The following CSNK1E variants were observed in gnomAD, a reference collection of about 807,000 sequenced individuals.
CSNK1E encodes casein kinase I isoform epsilon.
Under a neutral mutation model 46.1 loss-of-function variants are expected in CSNK1E, and 17 were observed. The ratio of observed to expected loss-of-function variants is 0.37; its 90% CI spans 0.25 to 0.55. The LOEUF (loss-of-function observed/expected upper bound fraction) is 0.55. Ranked by LOEUF, CSNK1E falls within the 20% of genes least tolerant of loss-of-function variation. CSNK1E has a pLI of 0.82. For synonymous variants in CSNK1E, 241 were observed against 242.6 expected (o/e 0.99, Z 0.06); for missense variants, 386 against 595.4 (o/e 0.65, Z 3.66).
chr22:38,298,527 G>A lies in CSNK1E; in HGVS notation c.885+259C>T. 2.1e-6 allele frequency: 1 copy of A among 483,666 alleles called. No homozygotes were observed. Among genetic ancestry groups the A allele is most frequent in the Non-Finnish European group, 3.8e-6 (1 of 265,034 alleles). The allele number at this position is 483,666 out of a possible 1,614,324, so 30.0% of individuals were successfully genotyped here. On this transcript the variant is annotated intron_variant, in intron 7 of 10. Transcript: ENST00000396832. The surrounding 1 kb of genome is among the most constrained non-coding windows in gnomAD (Gnocchi z 4.2). ...CATGCCCTGCTGCGGGCACCCAGGAGGGACCCCAGGTGAAGCCAGATCCTC... is the reference window on the plus strand; with the variant it reads ...CATGCCCTGCTGCGGGCACCCAGGAAGGACCCCAGGTGAAGCCAGATCCTC...
At position 38,314,988 on chromosome 22, in the gene CSNK1E, G is replaced by T. The variant is rs187562339; in HGVS notation, c.-12-819C>A. ...CTGAAGGCCTGGAGGCAGTGCTGCCGTGGGGACAGGGACCAGGGACTGCAG... is the reference window on the plus strand; with the variant it reads ...CTGAAGGCCTGGAGGCAGTGCTGCCTTGGGGACAGGGACCAGGGACTGCAG... On this transcript the variant is annotated intron_variant, in intron 1 of 10. Transcript: ENST00000396832. 8.1e-4 allele frequency among the ~76,000 whole-genome samples: 123 copies of T among 152,314 alleles called. 1 individual carries two copies. Among genetic ancestry groups the T allele is most frequent in the African/African-American group, 2.8e-3 (117 of 41,564 alleles).
rs186918102 is a variant in CSNK1E at position 38,302,851 on chromosome 22, G to C, written c.336+10C>G. 3 of 1,613,808 alleles carry C rather than the reference G, an allele frequency of 1.9e-6. No homozygotes were observed. Among genetic ancestry groups the C allele is most frequent in the Non-Finnish European group, 2.5e-6 (3 of 1,179,880 alleles). On this transcript the variant is annotated intron_variant, in intron 4 of 10. Transcript: ENST00000396832. The stretch of plus-strand genomic sequence containing the variant: ...GCATCTGGCTGGGGATGGAGGGGAC[G>C]GGGACTCACCATCTGGTCGGCCAAG...
At position 38,317,404 on chromosome 22, in the gene CSNK1E, C is replaced by CCCGG. The variant is rs2092754072; in HGVS notation, c.-258_-257insCCGG. 7.6e-6 allele frequency: 1 copy of CCCGG among 130,992 alleles called. No homozygotes were observed. Among genetic ancestry groups the CCCGG allele is most frequent in the Admixed American group, 7.3e-5 (1 of 13,632 alleles). 8.1% of individuals were successfully genotyped at this position (130,992 alleles called of 1,614,324 possible). A position where few individuals can be genotyped will look rare whatever the true frequency, so the allele number is the denominator to read the frequency against. ...CTCCTCCCGGCCTCCTGCCCGCCCG[C>CCCGG]CCGCCCCCGCCGCCGGCTCGCGCGC... On this transcript the variant is annotated 5_prime_UTR_variant, in exon 1 of 11. Coordinates refer to ENST00000396832, the MANE Select transcript of CSNK1E (RefSeq NM_152221.3).
chr22:38,314,585 C>A (rs531677009), intron 1 of CSNK1E, among the ~76,000 whole-genome samples: 1 of 152,372 alleles, frequency 6.6e-6, no homozygotes, highest in Non-Finnish European at 1.5e-5. Flanking sequence ...GAGAAAGTCG[C>A]ATCCCCTACT....
At chr22:38,293,439 A>G (rs1275092122) in intron 9 of CSNK1E, 120 bp from the exon 10 acceptor site, 2 of 639,666 alleles carry the variant, frequency 3.1e-6, no homozygotes, top group South Asian at 1.8e-5. Context: ...GAGGAGGTGT[A>G]CCCCCACCCC....
intron 2 of CSNK1E, among the ~76,000 whole-genome samples, chr22:38,313,125 A>T (rs2092728246): frequency 6.6e-6 from 1 of 152,212 alleles, no homozygotes; most frequent in South Asian, 2.1e-4. Flanking sequence ...AGGAACCCTA[A>T]CCATGGGGTA....
Position 38,303,624 on chromosome 22 carries a change from G to A in CSNK1E, c.77-376C>T, listed in dbSNP as rs1301771485. Among the ~76,000 whole-genome samples the A allele has an allele frequency of 6.6e-6, 1 of 152,186 alleles. No individual in the cohort carries two copies. The highest frequency in any genetic ancestry group is 1.5e-5 in the Non-Finnish European group (1 of 68,022). On this transcript the variant is annotated intron_variant, in intron 2 of 10. Coordinates refer to ENST00000396832, the MANE Select transcript of CSNK1E (RefSeq NM_152221.3). This position sits in a 1 kb window ranked among gnomAD's most constrained non-coding sequence, Gnocchi z 4.7. ...GTCTGTCGGGTTGAGATGGTGGCACGTGCAGAAGAGGCCCAATGGGGCTGG... is the reference window on the plus strand; with the variant it reads ...GTCTGTCGGGTTGAGATGGTGGCACATGCAGAAGAGGCCCAATGGGGCTGG...
In CSNK1E at chr22:38,301,076, G is replaced by C. The variant is rs1360870764; in HGVS notation, c.337-124C>G. On this transcript the variant is annotated intron_variant, in intron 4 of 10. Transcript: ENST00000396832. ...GAAAGGCCTGCCTTCGACCATGAAG[G>C]ATAACTAAGGGGCAGGCCAGAGAAG... 4 of 764,728 alleles carry C rather than the reference G, an allele frequency of 5.2e-6. No homozygotes were observed. The African/African-American group carries it at 7.0e-5, about 13-fold the overall frequency. 47.4% of individuals were successfully genotyped at this position (764,728 alleles called of 1,614,324 possible).
rs991617692 is a variant in CSNK1E at position 38,294,218 on chromosome 22, A to T, written c.1109T>A (p.Val370Asp). The T allele has an allele frequency of 6.2e-7, 1 of 1,612,554 alleles. No homozygotes were observed. Residue 370 changes from valine (V) to aspartate (D), a missense_variant, in exon 9 of 11, where the codon GTC becomes GAC. Physicochemically the swap from Val to Asp is radical, Grantham distance 152 (BLOSUM62 -3). Around this residue, in one of 2 missense-constraint regions of CSNK1E, gnomAD observed 174 missense variants for 185.2 expected, o/e 0.94. Coordinates refer to ENST00000396832, the MANE Select transcript of CSNK1E (RefSeq NM_152221.3). The surrounding 1 kb of genome is among the most constrained non-coding windows in gnomAD (Gnocchi z 5.5). ...CATACTCACCTTCCTCTCCCGGTCG[A>T]CCCGCGAGATCGCTCTGGGAGAAGT... Reference protein sequence around the residue: ...GNTSPRAISRVDRERKVSMRL... With the variant: ...GNTSPRAISRDDRERKVSMRL...
intron 7 of CSNK1E, chr22:38,296,747 C>A: frequency 6.4e-7 from 1 of 1,571,466 alleles, no homozygotes; most frequent in Non-Finnish European, 8.6e-7. Context: ...AGGGAGGAAC[C>A]TAGAGCAGTG....
At chr22:38,314,053 G>A (rs1021105057) in intron 2 of CSNK1E, 29 bp downstream of exon 2, 2 of 1,597,470 alleles carry the variant, frequency 1.3e-6, no homozygotes, top group African/African-American at 1.3e-5. Flanking sequence ...CTGGCCCCAG[G>A]GGCTCCAGCT....
At position 38,303,349 on chromosome 22, in the gene CSNK1E, C is replaced by G. The variant is rs532788732; in HGVS notation, c.77-101G>C. Reference sequence around the variant, plus strand: ...TCTGAGATCTGGCGTGTGCCGGGCCCGGGGCCATCTGCCCTTGAGGAGCTC... The same window carrying G: ...TCTGAGATCTGGCGTGTGCCGGGCCGGGGGCCATCTGCCCTTGAGGAGCTC... On this transcript the variant is annotated intron_variant, in intron 2 of 10. Coordinates refer to ENST00000396832, the MANE Select transcript of CSNK1E (RefSeq NM_152221.3). The surrounding 1 kb of genome is among the most constrained non-coding windows in gnomAD (Gnocchi z 4.7). The G allele has an allele frequency of 2.0e-6, 2 of 1,012,796 alleles. No homozygotes were observed. Among genetic ancestry groups the G allele is most frequent in the Non-Finnish European group, 2.9e-6 (2 of 700,436 alleles). The allele number at this position is 1,012,796 out of a possible 1,614,324, so 62.7% of individuals were successfully genotyped here. A position where few individuals can be genotyped will look rare whatever the true frequency, so the allele number is the denominator to read the frequency against.
In CSNK1E at chr22:38,291,576, C is replaced by T. The variant is rs1456740938; in HGVS notation, c.*395G>A. The T allele has an allele frequency of 6.6e-6, 1 of 152,344 alleles. No homozygotes were observed. Among genetic ancestry groups the T allele is most frequent in the African/African-American group, 2.4e-5 (1 of 41,422 alleles). 9.4% of individuals were successfully genotyped at this position (152,344 alleles called of 1,614,324 possible). A position where few individuals can be genotyped will look rare whatever the true frequency, so the allele number is the denominator to read the frequency against. ...CTGACTACACCACTCCCTGATGATG[C>T]TTGAGGGCCGGCTTTGGCTCTGGGA... On this transcript the variant is annotated 3_prime_UTR_variant, in exon 11 of 11. Transcript: ENST00000396832.
intron 7 of CSNK1E, chr22:38,297,149 T>G (rs1287644945): frequency 1.3e-6 from 1 of 778,892 alleles, no homozygotes; most frequent in African/African-American, 1.7e-5. Context: ...TCTTGGACAG[T>G]GTCCGTCTAG....
rs977719436 is a variant in CSNK1E, at chr22:38,298,264, C to T, written c.885+522G>A. ...TTCACAGATTCCAGAGCTCTGGGTA[C>T]GGCCGGCCAATGCTGCTCCCCACCC... On this transcript the variant is annotated intron_variant, in intron 7 of 10. Coordinates refer to ENST00000396832, the MANE Select transcript of CSNK1E (RefSeq NM_152221.3). This position sits in a 1 kb window ranked among gnomAD's most constrained non-coding sequence, Gnocchi z 4.2. The T allele has an allele frequency of 7.1e-5, 90 of 1,259,278 alleles. No individual in the cohort carries two copies. The highest frequency in any genetic ancestry group is 8.7e-5 in the Non-Finnish European group (83 of 957,148). The allele number at this position is 1,259,278 out of a possible 1,614,324, so 78.0% of individuals were successfully genotyped here. A position where few individuals can be genotyped will look rare whatever the true frequency, so the allele number is the denominator to read the frequency against.
chr22:38,294,646 CCTT>C lies in CSNK1E; in HGVS notation c.886-115_886-113del. 3 of 1,036,476 alleles carry C rather than the reference CCTT, an allele frequency of 2.9e-6. No homozygotes were observed. Among genetic ancestry groups the C allele is most frequent in the Non-Finnish European group, 4.1e-6 (3 of 730,108 alleles). The allele number at this position is 1,036,476 out of a possible 1,614,324, so 64.2% of individuals were successfully genotyped here. A position where few individuals can be genotyped will look rare whatever the true frequency, so the allele number is the denominator to read the frequency against. ...GGAGGCCAGGTGGATATCTCAGAAA[CCTT>C]CTGCTCCAGCCTCCCTGACAAGCGC... On this transcript the variant is annotated intron_variant, in intron 7 of 10. Coordinates refer to ENST00000396832, the MANE Select transcript of CSNK1E (RefSeq NM_152221.3). This position sits in a 1 kb window ranked among gnomAD's most constrained non-coding sequence, Gnocchi z 5.5.
chr22:38,299,034 C>T (rs1456673251), intron 6 of CSNK1E, 100 bp from the exon 7 acceptor site: 3 of 1,355,112 alleles, frequency 2.2e-6, no homozygotes, highest in South Asian at 1.3e-5. Flanking sequence ...TCCCTAGATA[C>T]TTCCAATCTG....
rs746369992 is a variant in CSNK1E at position 38,302,666 on chromosome 22, G to A, written c.336+195C>T. On this transcript the variant is annotated intron_variant, in intron 4 of 10. Transcript: ENST00000396832. ...GCGGATGTTGCAACGAGCTGAGATC[G>A]CACCACTGCGCTCCAGCCTGGGCGA... Among the ~76,000 whole-genome samples, 8 of 152,284 alleles carry A rather than the reference G, an allele frequency of 5.3e-5. No individual in the cohort carries two copies. The Middle Eastern group carries it at 0.01, about 194-fold the overall frequency.
At chr22:38,307,017 AAATATTAGCCAGG>A (rs1174750813) in intron 2 of CSNK1E, among the ~76,000 whole-genome samples, 6 of 152,028 alleles carry the variant, frequency 3.9e-5, no homozygotes, top group African/African-American at 1.5e-4. Flanking sequence ...CAAAAAATAC[AAATATTAGCCAGG>A]CGTGGTAGCA....
Sources: allele counts gnomAD v4.1 joint callset (sites outside exome capture counted in the v4.1 genomes callset), GRCh38; gene constraint gnomAD v4.1.1; regional missense constraint gnomAD v4.1.1; non-coding constraint Gnocchi (gnomAD v3.1); transcripts MANE v1.5; gene names NCBI Gene and HGNC (gene_info 2026-07-23, HGNC 2026-07-21).